THADA: variants seen among roughly 807,000 people sequenced by gnomAD.
THADA encodes the protein tRNA (32-2'-O)-methyltransferase regulator THADA.
A neutral mutation model predicts 219.8 loss-of-function variants in THADA; 213 were observed. The observed-to-expected ratio is 0.97, with a 90% CI of 0.87 to 1.09. THADA has a LOEUF of 1.09. THADA is among the 50% of genes least tolerant of loss of function. The pLI is 0.00. For missense variants in THADA, 2,956 were observed against 2,311.3 expected (o/e 1.28, Z -5.72); for synonymous variants, 1,018 against 828.9 (o/e 1.23, Z -3.92).
At chr2:43,576,647 C>G (rs1699885633) in intron 10 of THADA, among the ~76,000 whole-genome samples, 1 of 152,068 alleles carries the variant, frequency 6.6e-6, no homozygotes, top group Admixed American at 6.6e-5. Context: ...TAACCTGCAG[C>G]AATAATTTTA....
chr2:43,576,711 G>A (rs964042778), intron 10 of THADA, among the ~76,000 whole-genome samples: 1 of 152,156 alleles, frequency 6.6e-6, no homozygotes, highest in Non-Finnish European at 1.5e-5. Context: ...CTTGAGTGCA[G>A]TGGCACAATC....
intron 20 of THADA, among the ~76,000 whole-genome samples, chr2:43,542,817 G>A (rs948328985): frequency 1.3e-5 from 2 of 152,074 alleles, no homozygotes; most frequent in East Asian, 1.9e-4. Context: ...CAGCTTGTTC[G>A]CTGCACAACA....
chr2:43,324,232 G>A (rs555789888), intron 30 of THADA, among the ~76,000 whole-genome samples: 2 of 152,320 alleles, frequency 1.3e-5, no homozygotes, highest in Non-Finnish European at 1.5e-5. Context: ...CAGAGGAAAG[G>A]TTGACGATCT....
chr2:43,267,461 A>C (rs1303228931), intron 36 of THADA, among the ~76,000 whole-genome samples: 2 of 152,236 alleles, frequency 1.3e-5, no homozygotes, highest in Non-Finnish European at 2.9e-5. Context: ...CCTATCTCCC[A>C]AAACCCAGTC....
intron 28 of THADA, among the ~76,000 whole-genome samples, chr2:43,403,013 G>A (rs1056880151): frequency 1.3e-5 from 2 of 152,186 alleles, no homozygotes; most frequent in Non-Finnish European, 2.9e-5. Context: ...TGCCAGGACT[G>A]GCTATGTGCT....
At chr2:43,410,443 C>T (rs555341050) in intron 28 of THADA, among the ~76,000 whole-genome samples, 1 of 152,286 alleles carries the variant, frequency 6.6e-6, no homozygotes, top group South Asian at 2.1e-4. Flanking sequence ...CATGATTGTT[C>T]CTAGCAAGTT....
At chr2:43,557,864 G>A (rs1697570624) in intron 16 of THADA, among the ~76,000 whole-genome samples, 1 of 152,074 alleles carries the variant, frequency 6.6e-6, no homozygotes, top group Admixed American at 6.5e-5. Context: ...TCACAACAGT[G>A]GATATCAAAT....
chr2:43,507,263 T>C (rs1171089973), intron 23 of THADA, among the ~76,000 whole-genome samples: 1 of 152,200 alleles, frequency 6.6e-6, no homozygotes, highest in East Asian at 1.9e-4. Flanking sequence ...CTAGGTAAAG[T>C]TATGGCATTC....
intron 22 of THADA, among the ~76,000 whole-genome samples, chr2:43,515,094 A>T (rs1296127357): frequency 7.2e-4 from 25 of 34,562 alleles, no homozygotes; most frequent in South Asian, 9.6e-4. Flanking sequence ...AAATATATAT[A>T]TTATATATAA....
At chr2:43,303,666 A>T (rs2104413691) in intron 31 of THADA, among the ~76,000 whole-genome samples, 1 of 148,830 alleles carries the variant, frequency 6.7e-6, no homozygotes, top group South Asian at 2.1e-4. Flanking sequence ...ATTACCACAT[A>T]ATTATGGATA....
At chr2:43,243,566 C>T (rs144674340) in intron 36 of THADA, among the ~76,000 whole-genome samples, 110 of 152,188 alleles carry the variant, frequency 7.2e-4, no homozygotes, top group African/African-American at 2.6e-3. Flanking sequence ...CTCATCTCCT[C>T]ACCTCCTTTG....
intron 31 of THADA, among the ~76,000 whole-genome samples, chr2:43,311,665 C>A (rs1677525578): frequency 6.6e-6 from 1 of 152,198 alleles, no homozygotes; most frequent in Non-Finnish European, 1.5e-5. Context: ...TATCTATATA[C>A]TGGAATATTA....
At chr2:43,301,939 A>C (rs1676310524) in intron 31 of THADA, among the ~76,000 whole-genome samples, 1 of 152,198 alleles carries the variant, frequency 6.6e-6, no homozygotes, top group Non-Finnish European at 1.5e-5. Context: ...CATTTCTATG[A>C]GTGCCCTTCG....
intron 30 of THADA, among the ~76,000 whole-genome samples, chr2:43,325,554 A>G (rs1049484470): frequency 7.9e-5 from 12 of 151,998 alleles, no homozygotes; most frequent in African/African-American, 2.7e-4. Flanking sequence ...GAAGAAAGGA[A>G]GGAAGGGAAG....
intron 26 of THADA, among the ~76,000 whole-genome samples, chr2:43,441,486 G>A (rs1016754241): frequency 7.2e-5 from 11 of 152,078 alleles, no homozygotes; most frequent in African/African-American, 2.4e-4. Flanking sequence ...ATAGGTAGAG[G>A]GTAGGAGAAC....
intron 26 of THADA, among the ~76,000 whole-genome samples, chr2:43,481,329 T>C (rs1686194058): frequency 6.6e-6 from 1 of 152,254 alleles, no homozygotes; most frequent in African/African-American, 2.4e-5. Flanking sequence ...CCCATGATTT[T>C]AGAAACACAT....
chr2:43,548,602 C>T (rs533258846), intron 20 of THADA, among the ~76,000 whole-genome samples: 1 of 152,328 alleles, frequency 6.6e-6, no homozygotes, highest in Admixed American at 6.5e-5. Flanking sequence ...CTCGATGCTG[C>T]CTTGCAGTTT....
intron 26 of THADA, among the ~76,000 whole-genome samples, chr2:43,444,980 CTGG>C: frequency 6.6e-6 from 1 of 152,140 alleles, no homozygotes; most frequent in Non-Finnish European, 1.5e-5. Context: ...AATCTGGTCA[CTGG>C]ATGAAAACAA....
At chr2:43,542,011 GA>G (rs960832039) in intron 20 of THADA, among the ~76,000 whole-genome samples, 3 of 152,016 alleles carry the variant, frequency 2.0e-5, no homozygotes, top group African/African-American at 7.2e-5. Context: ...AAAATCAAAG[GA>G]AAATACAAAT....
Sources: gnomAD v4.1 joint callset for allele counts (sites outside exome capture counted in the v4.1 genomes callset) on GRCh38, gnomAD v4.1.1 for gene constraint, MANE v1.5 for transcripts, NCBI Gene and HGNC (gene_info 2026-07-23, HGNC 2026-07-21) for gene names.